Variants in RPS6KA6 observed in about 807,000 individuals in gnomAD.
RPS6KA6 encodes the protein ribosomal protein S6 kinase A6, also known as ribosomal protein S6 kinase alpha-6.
In RPS6KA6, 27 loss-of-function variants were observed where a neutral mutation model predicts 65.4. That is an observed-to-expected ratio of 0.41 (90% CI 0.30 to 0.57). RPS6KA6 has a LOEUF of 0.57. Ranked by LOEUF, RPS6KA6 falls within the 20% of genes least tolerant of loss-of-function variation. RPS6KA6 has a pLI of 0.24. For synonymous variants in RPS6KA6, 190 were observed against 184.2 expected, an observed-to-expected ratio of 1.03 and a Z score of -0.26; for missense variants, 486 against 555.6, an observed-to-expected ratio of 0.87 and a Z score of 1.26.
chrX:84,163,436 G>A (rs2035546385), intron 2 of RPS6KA6, among the ~76,000 whole-genome samples: 1 of 106,877 alleles, frequency 9.4e-6, no homozygotes, highest in Non-Finnish European at 1.9e-5. Context: ...TCAGGAGATC[G>A]AGACCATCCT....
chrX:84,156,558 G>C (rs999143216), intron 2 of RPS6KA6, among the ~76,000 whole-genome samples: 14 of 110,741 alleles, frequency 1.3e-4, no homozygotes, highest in African/African-American at 4.6e-4. Context: ...TAAATTGTGG[G>C]GCATGACCAA....
intron 18 of RPS6KA6, among the ~76,000 whole-genome samples, chrX:84,098,314 A>G (rs1300720831): frequency 9.0e-6 from 1 of 111,406 alleles, no homozygotes; most frequent in African/African-American, 3.2e-5. Flanking sequence ...ATAATCTCAC[A>G]AAAGCAGAAT....
chrX:84,187,244 G>T (rs1305587080), intron 1 of RPS6KA6: 1 of 111,759 alleles, frequency 8.9e-6, no homozygotes, highest in Non-Finnish European at 1.9e-5. Context: ...GAGATAGGTC[G>T]CCAGTGTATC....
At chrX:84,128,528 A>C (rs752660654) in intron 8 of RPS6KA6, among the ~76,000 whole-genome samples, 1 of 111,877 alleles carries the variant, frequency 8.9e-6, no homozygotes, top group Non-Finnish European at 1.9e-5. Flanking sequence ...ATGGATCCAC[A>C]AAATACCCAG....
At chrX:84,160,335 G>C (rs928406701) in intron 2 of RPS6KA6, among the ~76,000 whole-genome samples, 2 of 111,297 alleles carry the variant, frequency 1.8e-5, no homozygotes, top group African/African-American at 6.5e-5. Context: ...CAACAGTGCT[G>C]TAACACTGGG....
intron 16 of RPS6KA6, among the ~76,000 whole-genome samples, 166 bp downstream of exon 16, chrX:84,105,621 T>C (rs910891487): frequency 1.8e-5 from 2 of 108,531 alleles, no homozygotes; most frequent in Non-Finnish European, 3.9e-5. Flanking sequence ...ACTAGAAGTA[T>C]AGAATCATGG....
chrX:84,179,625 C>T (rs927573490), intron 1 of RPS6KA6, among the ~76,000 whole-genome samples: 3 of 111,858 alleles, frequency 2.7e-5, no homozygotes, highest in African/African-American at 9.7e-5. Context: ...TCCGTATTGA[C>T]TGACCTCCCT....
intron 20 of RPS6KA6, among the ~76,000 whole-genome samples, chrX:84,082,101 T>G (rs764932958): frequency 6.3e-5 from 7 of 111,677 alleles, no homozygotes; most frequent in Non-Finnish European, 1.3e-4. Flanking sequence ...GCCAGGGCAA[T>G]CAGGCAAGAG....
intron 2 of RPS6KA6, among the ~76,000 whole-genome samples, chrX:84,161,948 A>G (rs999852775): frequency 8.9e-6 from 1 of 111,838 alleles, no homozygotes; most frequent in African/African-American, 3.2e-5. Flanking sequence ...TTTCAGAAAA[A>G]ACAGATACTG....
chrX:84,103,284 A>G (rs1453881778), intron 17 of RPS6KA6, among the ~76,000 whole-genome samples: 2 of 111,025 alleles, frequency 1.8e-5, no homozygotes, highest in Non-Finnish European at 1.9e-5. Flanking sequence ...ACAAAGTAAA[A>G]CAAAACATGC....
At chrX:84,089,854 C>T (rs1202510332) in intron 20 of RPS6KA6, among the ~76,000 whole-genome samples, 1 of 112,165 alleles carries the variant, frequency 8.9e-6, no homozygotes, top group Non-Finnish European at 1.9e-5. Context: ...ATTTTCACTG[C>T]TCTCCATGAA....
chrX:84,161,153 T>C (rs1244275529), intron 2 of RPS6KA6, among the ~76,000 whole-genome samples: 1 of 111,623 alleles, frequency 9.0e-6, no homozygotes, highest in East Asian at 2.8e-4. Flanking sequence ...CCTGGACTTA[T>C]GACAGTGTTG....
chrX:84,092,515 G>A (rs1280119922), intron 20 of RPS6KA6, among the ~76,000 whole-genome samples: 3 of 109,303 alleles, frequency 2.7e-5, no homozygotes, highest in African/African-American at 6.7e-5. Context: ...CCAGCTACTC[G>A]GGAGGCTGAG....
chrX:84,093,039 G>A (rs1334443790), intron 20 of RPS6KA6, among the ~76,000 whole-genome samples: 1 of 111,990 alleles, frequency 8.9e-6, no homozygotes, highest in Non-Finnish European at 1.9e-5. Flanking sequence ...GTGGCAACGT[G>A]GATTAACCTG....
chrX:84,076,024 TAGTG>T (rs1393750964), intron 20 of RPS6KA6, among the ~76,000 whole-genome samples: 19 of 112,003 alleles, frequency 1.7e-4, no homozygotes, highest in Admixed American at 6.6e-4. Context: ...ATTAACCAGT[TAGTG>T]AGAAAATATT....
intron 12 of RPS6KA6, among the ~76,000 whole-genome samples, chrX:84,108,470 C>G (rs1292775501): frequency 2.7e-5 from 3 of 111,445 alleles, no homozygotes; most frequent in Non-Finnish European, 5.7e-5. Flanking sequence ...TAGAATTCAT[C>G]AGAGAAGTGA....
intron 12 of RPS6KA6, among the ~76,000 whole-genome samples, chrX:84,112,824 G>A (rs909337915): frequency 2.7e-5 from 3 of 111,217 alleles, no homozygotes; most frequent in East Asian, 5.6e-4. Flanking sequence ...GTCTCATTTC[G>A]CTGAATAAAA....
chrX:84,150,188 T>C (rs774311775), intron 3 of RPS6KA6, among the ~76,000 whole-genome samples: 123 of 112,265 alleles, frequency 1.1e-3, no homozygotes, highest in Non-Finnish European at 1.8e-3. Context: ...GGAATTGCTC[T>C]AGATTAGGCT....
chrX:84,068,476 G>T (rs2033453821), intron 20 of RPS6KA6, among the ~76,000 whole-genome samples: 1 of 111,664 alleles, frequency 9.0e-6, no homozygotes, highest in Non-Finnish European at 1.9e-5. Flanking sequence ...TACTGAATGG[G>T]CAAAAGCTGG....
Sources: allele counts gnomAD v4.1 joint callset (sites outside exome capture counted in the v4.1 genomes callset), GRCh38; gene constraint gnomAD v4.1.1; transcripts MANE v1.5; gene names NCBI Gene and HGNC (gene_info 2026-07-23, HGNC 2026-07-21).